Variants in RMDN2 observed in about 807,000 individuals in gnomAD.
The protein encoded by RMDN2 is regulator of microtubule dynamics protein 2.
A neutral mutation model predicts 52.8 loss-of-function variants in RMDN2; 61 were observed. The observed-to-expected ratio is 1.16, with a 90% CI of 0.94 to 1.43. The LOEUF (loss-of-function observed/expected upper bound fraction) is 1.43, where lower values mean the gene tolerates loss of function less well. Ranked by LOEUF, RMDN2 falls within the 40% of genes most tolerant of loss-of-function variation. The pLI, the probability that RMDN2 is intolerant of heterozygous loss-of-function variation, is 0.00. For synonymous variants in RMDN2, 180 were observed against 153.1 expected (o/e 1.18, Z -1.30); for missense variants, 592 against 475.3 (o/e 1.25, Z -2.28).
rs1424514716 is a variant in RMDN2, at chr2:38,017,566, G to T, written c.*327G>T. 31 of 1,212,258 alleles carry T rather than the reference G, an allele frequency of 2.6e-5. No individual in the cohort carries two copies. The highest frequency in any genetic ancestry group is 3.1e-5 in the Non-Finnish European group (29 of 920,696). The allele number at this position is 1,212,258 out of a possible 1,614,324, so 75.1% of individuals were successfully genotyped here. On this transcript the variant is annotated 3_prime_UTR_variant, in exon 11 of 11. Coordinates refer to ENST00000354545, the MANE Select transcript of RMDN2 (RefSeq NM_001170791.3). ...AATGAATTCTCATGAATATTTTATT[G>T]TTTCAATGGAGACTTCGTAAGACAA...
At chr2:37,953,894 T>A (rs1669142593) in intron 2 of RMDN2, among the ~76,000 whole-genome samples, 1 of 151,998 alleles carries the variant, frequency 6.6e-6, no homozygotes, top group Non-Finnish European at 1.5e-5. Flanking sequence ...GCCATCCTAA[T>A]GGGTATGAGG....
At chr2:38,060,155 C>A (rs1681990098) in intron 10 of RMDN2, among the ~76,000 whole-genome samples, 1 of 151,226 alleles carries the variant, frequency 6.6e-6, no homozygotes, top group Non-Finnish European at 1.5e-5. Flanking sequence ...CTGTGTTACG[C>A]AGGATGGTCT....
chr2:38,039,779 A>G (rs1680839836), intron 10 of RMDN2, among the ~76,000 whole-genome samples: 1 of 152,164 alleles, frequency 6.6e-6, no homozygotes, highest in Non-Finnish European at 1.5e-5. Context: ...TAACTTTTCC[A>G]GTGTCGCCAT....
chr2:38,047,267 C>T (rs533178312), intron 10 of RMDN2, among the ~76,000 whole-genome samples: 6 of 152,090 alleles, frequency 3.9e-5, no homozygotes, highest in East Asian at 1.9e-4. Flanking sequence ...AAGGTAAATA[C>T]GTAAGTAAAA....
chr2:38,064,271 G>A (rs977832437), intron 10 of RMDN2, among the ~76,000 whole-genome samples: 3 of 152,032 alleles, frequency 2.0e-5, no homozygotes, highest in African/African-American at 7.2e-5. Flanking sequence ...AGTCCGAGGC[G>A]GGTAGATCAG....
At chr2:38,047,365 T>C (rs1325397015) in intron 10 of RMDN2, among the ~76,000 whole-genome samples, 1 of 152,206 alleles carries the variant, frequency 6.6e-6, no homozygotes, top group East Asian at 1.9e-4. Flanking sequence ...GTAGAAATAA[T>C]ACAAATGTCA....
intron 10 of RMDN2, among the ~76,000 whole-genome samples, chr2:38,031,872 C>A (rs1680233091): frequency 6.6e-6 from 1 of 152,066 alleles, no homozygotes; most frequent in Non-Finnish European, 1.5e-5. Context: ...ATAATGAGAC[C>A]CCAACTTAAG....
intron 2 of RMDN2, among the ~76,000 whole-genome samples, chr2:37,964,325 A>T (rs1286084341): frequency 6.6e-6 from 1 of 151,994 alleles, no homozygotes; most frequent in Non-Finnish European, 1.5e-5. Context: ...CCAGGTATAA[A>T]TTTTCCTCCT....
chr2:38,033,759 C>T lies in RMDN2; in HGVS notation c.1713+29543C>T, dbSNP rs376239426. On this transcript the variant is annotated intron_variant, in intron 10 of 10. Transcript: ENST00000234195. ...ATCAAATTTACTCTAGATTTCAGAT[C>T]AGTCATTTCATGGGAATCCAAACTT... 2.6e-4 allele frequency among the ~76,000 whole-genome samples: 40 copies of T among 152,324 alleles called. No homozygotes were observed. The South Asian group carries it at 8.1e-3, about 31-fold the overall frequency.
At chr2:37,924,719 AAGC>A (rs1666138571), upstream of RMDN2, among the ~76,000 whole-genome samples, 6 of 152,206 alleles carry the variant, frequency 3.9e-5, no homozygotes, top group Admixed American at 3.3e-4. Context: ...AAACCACAGA[AAGC>A]TGGGTAAAAC....
intron 2 of RMDN2, among the ~76,000 whole-genome samples, chr2:37,933,644 C>T (rs1303115692): frequency 1.3e-5 from 2 of 152,236 alleles, no homozygotes; most frequent in Admixed American, 6.5e-5. Context: ...TGGCGGCGTG[C>T]GCCTGCAATG....
chr2:37,951,387 G>C lies in RMDN2; in HGVS notation c.452+21658G>C, dbSNP rs1406648066. The C allele has an allele frequency of 1.9e-6, 3 of 1,613,232 alleles. No individual in the cohort carries two copies. In the Admixed American group the frequency reaches 5.0e-5, roughly 27 times the overall value. ...CCCTGTAACACATAAAGTCAATGCA[G>C]CCAAAGCAAGTAGAAGGTTATTATC... On this transcript the variant is annotated intron_variant, in intron 2 of 10. Transcript: ENST00000354545.
At chr2:38,033,115 G>C (rs1336266280) in intron 10 of RMDN2, 5 of 152,182 alleles carry the variant, frequency 3.3e-5, no homozygotes, top group Non-Finnish European at 7.3e-5. Flanking sequence ...ACATGTAGTA[G>C]TATCTCACTG....
chr2:38,037,848 CTCTT>C (rs778317541), intron 10 of RMDN2, among the ~76,000 whole-genome samples: 21 of 152,290 alleles, frequency 1.4e-4, no homozygotes, highest in Admixed American at 4.6e-4. Flanking sequence ...GATGATGAAA[CTCTT>C]TCTGAGGTTA....
intron 2 of RMDN2, chr2:37,950,502 C>T (rs1234311588): frequency 1.2e-6 from 2 of 1,612,582 alleles, no homozygotes; most frequent in Non-Finnish European, 8.5e-7. Context: ...ACCTGTTCCA[C>T]CTCTACAGGG....
rs558176546 is a variant in RMDN2 at position 37,955,449 on chromosome 2, T to TG, written c.453-18591_453-18590insG. ...GCTTTTTCTGCATCAATGGAGATGA[T>TG]CATGGGTTGTTTTTCCCTTCATTTT... is the stretch of plus-strand genomic sequence containing the variant. On this transcript the variant is annotated intron_variant, in intron 2 of 10. Coordinates refer to ENST00000354545, the MANE Select transcript of RMDN2 (RefSeq NM_001170791.3). Among the ~76,000 whole-genome samples the TG allele has an allele frequency of 4.6e-5, 7 of 152,288 alleles. No homozygotes were observed. The East Asian group carries it at 1.2e-3, about 25-fold the overall frequency.
chr2:38,048,428 C>G (rs1409045338), intron 10 of RMDN2, among the ~76,000 whole-genome samples: 2 of 152,200 alleles, frequency 1.3e-5, no homozygotes, highest in African/African-American at 4.8e-5. Flanking sequence ...GAAAGGAAAA[C>G]AGCCTCCAGG....
intron 7 of RMDN2, among the ~76,000 whole-genome samples, chr2:37,996,755 T>C (rs1008668795): frequency 1.3e-5 from 2 of 152,126 alleles, no homozygotes; most frequent in Non-Finnish European, 2.9e-5. Flanking sequence ...AGAATGAACA[T>C]CTAATATTTA....
chr2:38,065,315 T>G (rs1682226116), intron 10 of RMDN2, among the ~76,000 whole-genome samples: 1 of 151,744 alleles, frequency 6.6e-6, no homozygotes, highest in South Asian at 2.1e-4. Flanking sequence ...ATATTAAGCA[T>G]ATTGTAATAC....
Sources: allele counts gnomAD v4.1 joint callset (sites outside exome capture counted in the v4.1 genomes callset), GRCh38; gene constraint gnomAD v4.1.1; transcripts MANE v1.5; gene names NCBI Gene and HGNC (gene_info 2026-07-23, HGNC 2026-07-21).